WWOX: variants seen among roughly 807,000 people sequenced by gnomAD.
The protein encoded by WWOX is WW domain containing oxidoreductase, also known as WW domain-containing oxidoreductase.
WWOX carries 69 observed loss-of-function variants against 46.2 expected under a neutral mutation model. That is an observed-to-expected ratio of 1.49 (90% CI 1.23 to 1.82). The LOEUF (loss-of-function observed/expected upper bound fraction) is 1.82, where lower values mean the gene tolerates loss of function less well. Ranked by LOEUF, WWOX falls within the 40% of genes most tolerant of loss-of-function variation. The pLI is 0.00. For missense variants in WWOX, 919 were observed against 542.6 expected, an observed-to-expected ratio of 1.69 and a Z score of -6.89; for synonymous variants, 359 against 202.6, an observed-to-expected ratio of 1.77 and a Z score of -6.56.
intron 8 of WWOX, among the ~76,000 whole-genome samples, chr16:78,958,494 C>G (rs578079637): frequency 1.8e-4 from 27 of 152,322 alleles, no homozygotes; most frequent in African/African-American, 6.3e-4. Context: ...TTTAAAAACA[C>G]ACTTTACTAC....
chr16:78,700,360 G>C (rs2048187651), intron 8 of WWOX, among the ~76,000 whole-genome samples: 1 of 125,486 alleles, frequency 8.0e-6, no homozygotes, highest in East Asian at 2.4e-4. Context: ...GAGAGAGAGA[G>C]ACCATCTCTC....
intron 8 of WWOX, among the ~76,000 whole-genome samples, chr16:78,570,092 C>A (rs1426104929): frequency 6.6e-6 from 1 of 152,160 alleles, no homozygotes; most frequent in Non-Finnish European, 1.5e-5. Context: ...CATATAACTT[C>A]TTTATTGGTA....
At chr16:78,683,619 C>T (rs1248731038) in intron 8 of WWOX, among the ~76,000 whole-genome samples, 1 of 152,024 alleles carries the variant, frequency 6.6e-6, no homozygotes, top group South Asian at 2.1e-4. Context: ...CTAGGCTGGT[C>T]TTGAACTCCT....
At chr16:78,637,661 G>A (rs1297601787) in intron 8 of WWOX, among the ~76,000 whole-genome samples, 1 of 152,196 alleles carries the variant, frequency 6.6e-6, no homozygotes, top group South Asian at 2.1e-4. Flanking sequence ...TTGTTTTCCT[G>A]TATGCTCCTT....
intron 5 of WWOX, among the ~76,000 whole-genome samples, chr16:78,309,955 G>T (rs527936700): frequency 1.3e-5 from 2 of 152,072 alleles, no homozygotes; most frequent in Non-Finnish European, 2.9e-5. Context: ...GGTTATATGC[G>T]TGAAGTTCGT....
At chr16:78,535,559 T>C (rs1182203095) in intron 8 of WWOX, 1 of 152,232 alleles carries the variant, frequency 6.6e-6, no homozygotes. Context: ...GTAAGACTTT[T>C]TCTGTCTCTG....
chr16:78,910,817 G>A (rs529655491), intron 8 of WWOX, among the ~76,000 whole-genome samples: 11 of 151,926 alleles, frequency 7.2e-5, no homozygotes, highest in South Asian at 2.1e-4. Flanking sequence ...ACCTCTCACC[G>A]GGTCCCTCCC....
At chr16:78,153,382 A>G (rs2151723584) in intron 4 of WWOX, among the ~76,000 whole-genome samples, 1 of 152,236 alleles carries the variant, frequency 6.6e-6, no homozygotes, top group Non-Finnish European at 1.5e-5. Context: ...TACTTTTAGG[A>G]GGATATAGGA....
intron 8 of WWOX, among the ~76,000 whole-genome samples, chr16:78,816,415 A>C (rs1006981365): frequency 6.6e-6 from 1 of 151,550 alleles, no homozygotes; most frequent in African/African-American, 2.4e-5. Flanking sequence ...AGTGTGTTTA[A>C]TGTGAAAATA....
At chr16:79,006,965 C>G (rs78297714) in intron 8 of WWOX, among the ~76,000 whole-genome samples, 2 of 152,140 alleles carry the variant, frequency 1.3e-5, no homozygotes, top group Non-Finnish European at 2.9e-5. Flanking sequence ...TCAGTTCCAC[C>G]CACAATCTTC....
chr16:79,058,098 A>T (rs978436972), intron 8 of WWOX, among the ~76,000 whole-genome samples: 1 of 142,456 alleles, frequency 7.0e-6, no homozygotes, highest in East Asian at 2.0e-4. Flanking sequence ...TAGGAGATAT[A>T]TCTTACTTAA....
chr16:78,706,551 A>T (rs1022172197), intron 8 of WWOX, among the ~76,000 whole-genome samples: 2 of 152,194 alleles, frequency 1.3e-5, no homozygotes, highest in Non-Finnish European at 2.9e-5. Flanking sequence ...AAGAAGCTGC[A>T]GGCAGGAACA....
intron 8 of WWOX, among the ~76,000 whole-genome samples, chr16:78,785,980 C>T (rs1641489851): frequency 6.6e-6 from 1 of 152,168 alleles, no homozygotes; most frequent in Non-Finnish European, 1.5e-5. Flanking sequence ...GATCTCTGCT[C>T]ACCGCAACCT....
At chr16:78,872,437 A>G (rs1337548492) in intron 8 of WWOX, among the ~76,000 whole-genome samples, 2 of 152,206 alleles carry the variant, frequency 1.3e-5, no homozygotes, top group Non-Finnish European at 2.9e-5. Flanking sequence ...AAGGAAAGAA[A>G]TGCCAGGCTG....
At chr16:79,034,060 C>T (rs1285156630) in intron 8 of WWOX, among the ~76,000 whole-genome samples, 2 of 152,136 alleles carry the variant, frequency 1.3e-5, no homozygotes, top group Non-Finnish European at 2.9e-5. Context: ...GTGGCTGTGC[C>T]CACGTGGTCT....
At chr16:78,395,476 C>A (rs762938854) in intron 6 of WWOX, among the ~76,000 whole-genome samples, 1 of 152,076 alleles carries the variant, frequency 6.6e-6, no homozygotes, top group East Asian at 1.9e-4. Context: ...CATGCTACTG[C>A]ACTCCAGCCT....
intron 5 of WWOX, among the ~76,000 whole-genome samples, chr16:78,351,904 C>G (rs1027394690): frequency 1.3e-5 from 2 of 152,148 alleles, no homozygotes; most frequent in Non-Finnish European, 2.9e-5. Context: ...TGATATGCGC[C>G]CCTCAGCCTC....
chr16:78,134,164 T>C (rs2033708672), intron 4 of WWOX, among the ~76,000 whole-genome samples: 1 of 152,210 alleles, frequency 6.6e-6, no homozygotes, highest in Non-Finnish European at 1.5e-5. Flanking sequence ...AATATTAGCA[T>C]TGGATTTTAG....
rs538293610 is a variant in WWOX, at chr16:78,761,978, G to T, written c.1056+329226G>T. On this transcript the variant is annotated intron_variant, in intron 8 of 8. Coordinates refer to ENST00000566780, the MANE Select transcript of WWOX (RefSeq NM_016373.4). ...CCACCTAGGAAATGTTTGAGAAACT[G>T]TGCAGTGAGGATGAATCAACAAGTA... 2.1e-4 allele frequency among the ~76,000 whole-genome samples: 32 copies of T among 152,256 alleles called. No individual in the cohort carries two copies. The South Asian group carries it at 5.8e-3, about 28-fold the overall frequency.
Sources: allele counts gnomAD v4.1 joint callset (sites outside exome capture counted in the v4.1 genomes callset), GRCh38; gene constraint gnomAD v4.1.1; transcripts MANE v1.5; gene names NCBI Gene and HGNC (gene_info 2026-07-23, HGNC 2026-07-21).